CPA6: variants seen among roughly 807,000 people sequenced by gnomAD.
The protein encoded by CPA6 is carboxypeptidase A6.
Under a neutral mutation model 63.3 loss-of-function variants are expected in CPA6, and 58 were observed. The ratio of observed to expected loss-of-function variants is 0.92; its 90% CI spans 0.74 to 1.14. CPA6 has a LOEUF of 1.14. Among genes scored for constraint, CPA6 ranks in the 50% most tolerant of loss-of-function variants. The probability of loss-of-function intolerance (pLI) is 0.00; values close to 1 mark genes in which losing one functional copy is unlikely to be tolerated. For synonymous variants in CPA6, 185 were observed against 179.0 expected, an observed-to-expected ratio of 1.03 and a Z score of -0.27; for missense variants, 565 against 526.6, an observed-to-expected ratio of 1.07 and a Z score of -0.71.
chr8:67,733,079 C>T (rs1034073061), intron 1 of CPA6, among the ~76,000 whole-genome samples: 1 of 151,400 alleles, frequency 6.6e-6, no homozygotes, highest in Non-Finnish European at 1.5e-5. Context: ...ACCTGTAGTC[C>T]CAGCTACTCG....
At chr8:67,687,681 T>C (rs551364794) in intron 1 of CPA6, among the ~76,000 whole-genome samples, 2 of 152,188 alleles carry the variant, frequency 1.3e-5, no homozygotes, top group East Asian at 3.9e-4. Flanking sequence ...GGTTTCGGGG[T>C]CAGCGATTCA....
At chr8:67,593,566 C>T (rs1351806177) in intron 2 of CPA6, among the ~76,000 whole-genome samples, 2 of 152,168 alleles carry the variant, frequency 1.3e-5, no homozygotes, top group African/African-American at 4.8e-5. Context: ...AATCTGGGTG[C>T]TCCTGTATTG....
At chr8:67,437,009 C>T (rs1398031705) in intron 8 of CPA6, among the ~76,000 whole-genome samples, 1 of 152,186 alleles carries the variant, frequency 6.6e-6, no homozygotes, top group East Asian at 1.9e-4. Flanking sequence ...GAGTGGGGAA[C>T]TTACAGCAAT....
intron 2 of CPA6, among the ~76,000 whole-genome samples, chr8:67,531,902 ACTAT>A (rs33993980): frequency 0.024 from 3,633 of 152,260 alleles, 140 homozygotes; most frequent in African/African-American, 0.082. Flanking sequence ...CAATGACAAA[ACTAT>A]CTATATTTAG....
At chr8:67,511,746 A>C (rs2072724718) in intron 3 of CPA6, 91 bp from the exon 4 acceptor site, 1 of 748,462 alleles carries the variant, frequency 1.3e-6, no homozygotes, top group African/African-American at 1.7e-5. Context: ...CATCTATGTA[A>C]AGAAAGACTG....
chr8:67,467,946 T>G (rs1424216301), intron 8 of CPA6, among the ~76,000 whole-genome samples: 1 of 145,652 alleles, frequency 6.9e-6, no homozygotes, highest in African/African-American at 2.6e-5. Context: ...TAATCCCAGC[T>G]ACTTGGGAGG....
At position 67,641,127 on chromosome 8, in the gene CPA6, C is replaced by T. The variant is rs562644833; in HGVS notation, c.117-16876G>A. On this transcript the variant is annotated intron_variant, in intron 1 of 10. Transcript: ENST00000297770. ...TCTGCTGCAGCCGGCATGATGGCAG[C>T]GGATGCTCCAGATAGCCTGCCGCTG... Among the ~76,000 whole-genome samples, 4 of 151,894 alleles carry T rather than the reference C, an allele frequency of 2.6e-5. No homozygotes were observed. The South Asian group carries it at 6.2e-4, about 24-fold the overall frequency.
intron 3 of CPA6, among the ~76,000 whole-genome samples, chr8:67,517,563 TCTC>T (rs1438297045): frequency 5.3e-5 from 8 of 152,336 alleles, no homozygotes; most frequent in African/African-American, 1.9e-4. Flanking sequence ...GCTTGTGTGG[TCTC>T]CTCTGCCTCT....
At chr8:67,579,667 A>AACTG (rs1300407148) in intron 2 of CPA6, among the ~76,000 whole-genome samples, 2 of 152,248 alleles carry the variant, frequency 1.3e-5, no homozygotes, top group African/African-American at 4.8e-5. Context: ...GGGGTCAGCA[A>AACTG]ACTGACCTGC....
intron 8 of CPA6, among the ~76,000 whole-genome samples, chr8:67,479,675 C>T (rs904743586): frequency 6.6e-6 from 1 of 152,204 alleles, no homozygotes; most frequent in African/African-American, 2.4e-5. Flanking sequence ...GTACTAAAGT[C>T]TCTTTCCATA....
intron 1 of CPA6, among the ~76,000 whole-genome samples, chr8:67,637,981 T>TGTGTGTGTGTG (rs1563372142): frequency 2.6e-4 from 38 of 146,672 alleles, no homozygotes; most frequent in East Asian, 1.4e-3. Context: ...GCTAGAAATT[T>TGTGTGTGTGTG]TGTGTGTGTG....
chr8:67,743,124 G>A (rs1817943390), intron 1 of CPA6, among the ~76,000 whole-genome samples: 1 of 152,128 alleles, frequency 6.6e-6, no homozygotes, highest in Admixed American at 6.5e-5. Flanking sequence ...CTTGGCATTT[G>A]TAACCCCTGA....
chr8:67,708,999 G>T (rs377564229), intron 1 of CPA6, among the ~76,000 whole-genome samples: 1 of 152,122 alleles, frequency 6.6e-6, no homozygotes, highest in African/African-American at 2.4e-5. Flanking sequence ...TGAATCTAGT[G>T]ATCAGCAGCT....
At chr8:67,448,132 G>T (rs986805552) in intron 8 of CPA6, among the ~76,000 whole-genome samples, 1 of 152,134 alleles carries the variant, frequency 6.6e-6, no homozygotes, top group Non-Finnish European at 1.5e-5. Context: ...ACTTTAGACC[G>T]GACTCTTTGA....
chr8:67,725,037 G>A (rs933070254), intron 1 of CPA6, among the ~76,000 whole-genome samples: 10 of 152,182 alleles, frequency 6.6e-5, no homozygotes, highest in South Asian at 2.1e-4. Context: ...TAGAATAGTC[G>A]GCTACCTGGG....
chr8:67,442,552 A>C (rs1358959673), intron 8 of CPA6, among the ~76,000 whole-genome samples: 1 of 152,192 alleles, frequency 6.6e-6, no homozygotes, highest in Non-Finnish European at 1.5e-5. Context: ...TATCAACAAA[A>C]GTATAAAGGC....
intron 1 of CPA6, among the ~76,000 whole-genome samples, chr8:67,633,598 G>A (rs1330438210): frequency 6.6e-6 from 1 of 151,158 alleles, no homozygotes; most frequent in Non-Finnish European, 1.5e-5. Flanking sequence ...GGAGAATGGC[G>A]TGAACCAGGG....
intron 1 of CPA6, among the ~76,000 whole-genome samples, chr8:67,696,747 A>G (rs139727471): frequency 6.6e-6 from 1 of 152,346 alleles, no homozygotes; most frequent in East Asian, 1.9e-4. Flanking sequence ...AAGATAGTAG[A>G]CAGAAAAGAC....
chr8:67,458,542 A>G (rs1309982947), intron 8 of CPA6, among the ~76,000 whole-genome samples: 1 of 152,226 alleles, frequency 6.6e-6, no homozygotes, highest in African/African-American at 2.4e-5. Context: ...AATCCATGAA[A>G]GAAATAATTG....
Sources: allele counts gnomAD v4.1 joint callset (sites outside exome capture counted in the v4.1 genomes callset), GRCh38; gene constraint gnomAD v4.1.1; transcripts MANE v1.5; gene names NCBI Gene and HGNC (gene_info 2026-07-23, HGNC 2026-07-21).